TAF1: variants seen among roughly 807,000 people sequenced by gnomAD.
TAF1 encodes the protein TATA-box binding protein associated factor 1.
In TAF1, 2 loss-of-function variants were observed where a neutral mutation model predicts 138.5. That is an observed-to-expected ratio of 0.01 (90% CI 0.01 to 0.05). TAF1 has a LOEUF of 0.05. Among genes scored for constraint, TAF1 ranks in the 10% least tolerant of loss-of-function variants. The pLI, the probability that TAF1 is intolerant of heterozygous loss-of-function variation, is 1.00. For missense variants in TAF1, 709 were observed against 1,478.0 expected (o/e 0.48, Z 8.53); for synonymous variants, 437 against 503.2 (o/e 0.87, Z 1.76).
intron 13 of TAF1, among the ~76,000 whole-genome samples, chrX:71,474,132 C>T (rs1052270440): frequency 9.3e-6 from 1 of 107,849 alleles, no homozygotes; most frequent in Non-Finnish European, 1.9e-5. Flanking sequence ...GTGACAAGAG[C>T]AAAACTCTGA....
chrX:71,514,605 C>T (rs2039794137), intron 13 of TAF1, among the ~76,000 whole-genome samples: 1 of 110,642 alleles, frequency 9.0e-6, no homozygotes, highest in South Asian at 3.8e-4. Context: ...ACTTCAAGAT[C>T]TGGTGCTTTG....
chrX:71,485,697 TTTG>T (rs1488086461), intron 13 of TAF1, among the ~76,000 whole-genome samples: 5 of 111,996 alleles, frequency 4.5e-5, no homozygotes, highest in Admixed American at 9.6e-5. Flanking sequence ...GATTTGGTTG[TTTG>T]TTGTTGTTGT....
chrX:71,508,737 A>AGTGT (rs112821544), intron 13 of TAF1, among the ~76,000 whole-genome samples: 15 of 100,783 alleles, frequency 1.5e-4, no homozygotes, highest in Middle Eastern at 4.5e-3. Context: ...AGACAGAGTG[A>AGTGT]GTGTGTGTGT....
intron 28 of TAF1, 34 bp downstream of exon 28, chrX:71,408,185 A>G: frequency 2.5e-6 from 3 of 1,201,649 alleles, no homozygotes; most frequent in African/African-American, 3.5e-5. Context: ...TGCAAAGGTC[A>G]CTGTTCAGAT....
At chrX:71,404,371 A>G (rs752802482) in intron 25 of TAF1, among the ~76,000 whole-genome samples, 26 of 110,509 alleles carry the variant, frequency 2.4e-4, no homozygotes, top group Admixed American at 5.9e-4. Flanking sequence ...TTTCTTTTTG[A>G]GACGGAGTCT....
At chrX:71,456,652 T>TC in intron 34 of TAF1, among the ~76,000 whole-genome samples, 1 of 15,238 alleles carries the variant, frequency 6.6e-5, no homozygotes, top group Non-Finnish European at 1.1e-4. Flanking sequence ...GTATTTTCTT[T>TC]TTTTTTTTTT....
chrX:71,430,381 C>G (rs2036821948), intron 32 of TAF1, among the ~76,000 whole-genome samples: 1 of 84,673 alleles, frequency 1.2e-5, no homozygotes, highest in African/African-American at 4.6e-5. Context: ...GAGACTCCGT[C>G]TCACAAAAAA....
chrX:71,491,657 A>G (rs1004395660), intron 13 of TAF1: 2 of 101,284 alleles, frequency 2.0e-5, no homozygotes, highest in African/African-American at 7.5e-5. Flanking sequence ...CTTTTCTAAC[A>G]TTCTTTTTTT....
At chrX:71,452,230 G>A (rs1360682802) in intron 32 of TAF1, among the ~76,000 whole-genome samples, 14 of 110,812 alleles carry the variant, frequency 1.3e-4, no homozygotes, top group East Asian at 1.2e-3. Flanking sequence ...CAGACGGGGC[G>A]GCTGCCGGGC....
intron 22 of TAF1, among the ~76,000 whole-genome samples, chrX:71,394,746 C>G (rs1159056022): frequency 8.9e-6 from 1 of 112,136 alleles, no homozygotes; most frequent in Admixed American, 9.5e-5. Flanking sequence ...ATCCTCCTGC[C>G]TCAGCCTCCT....
intron 32 of TAF1, among the ~76,000 whole-genome samples, chrX:71,424,492 C>G: frequency 9.7e-6 from 1 of 103,273 alleles, no homozygotes; most frequent in East Asian, 3.0e-4. Context: ...AGCAATCCTC[C>G]CACCTCGGCT....
rs1262972845 is a variant in TAF1 at position 71,420,976 on chromosome X, C to T, written c.4385-333C>T. ...GACCGCCTGCAGCCCCAGCCGCCCG[C>T]TGCCGCCTGCTCACTCTTTAGGCAT... On this transcript the variant is annotated intron_variant, in intron 28 of 37. Transcript: ENST00000423759. Among the ~76,000 whole-genome samples the T allele has an allele frequency of 4.4e-5, 5 of 112,910 alleles. No individual in the cohort carries two copies. In the East Asian group the frequency reaches 8.3e-4, roughly 19 times the overall value.
In TAF1 at chrX:71,419,939, C is replaced by A. The variant is rs769985394; in HGVS notation, c.4385-1370C>A. The A allele has an allele frequency of 1.7e-3, 377 of 219,867 alleles. 1 individual carries two copies. The highest frequency in any genetic ancestry group is 2.4e-3 in the Non-Finnish European group (290 of 120,919). The allele number at this position is 219,867 out of a possible 1,213,427, so 18.1% of individuals were successfully genotyped here. ...AGCAGTTAGTTATGGGATTCTCCCCCCCTTCCACAGTATATCTTTTTAAAA... is the reference window on the plus strand; with the variant it reads ...AGCAGTTAGTTATGGGATTCTCCCCACCTTCCACAGTATATCTTTTTAAAA... On this transcript the variant is annotated intron_variant, in intron 28 of 37. Coordinates refer to ENST00000423759, the MANE Select transcript of TAF1 (RefSeq NM_004606.5).
intron 13 of TAF1, among the ~76,000 whole-genome samples, chrX:71,515,993 C>T (rs902341029): frequency 8.2e-5 from 9 of 110,273 alleles, no homozygotes; most frequent in African/African-American, 3.0e-4. Flanking sequence ...TCCATAGAAA[C>T]GGAAAGTAGA....
intron 32 of TAF1, among the ~76,000 whole-genome samples, chrX:71,441,366 A>T (rs1415220871): frequency 4.5e-5 from 5 of 111,308 alleles, no homozygotes; most frequent in Non-Finnish European, 7.5e-5. Flanking sequence ...AGCATAAGAA[A>T]TTTTTTTAAT....
At position 71,389,565 on chromosome X, in the gene TAF1, A is replaced by G. The variant is rs2034441231; in HGVS notation, c.2701-20A>G. On this transcript the variant is annotated intron_variant, in intron 17 of 37. Transcript: ENST00000423759. Reference sequence around the variant, plus strand: ...TGTTTTTTAACTGACTGATTTATGCATGGATCTGTCCTCTTCCAGGATGCT... The same window carrying G: ...TGTTTTTTAACTGACTGATTTATGCGTGGATCTGTCCTCTTCCAGGATGCT... 8.5e-6 allele frequency: 10 copies of G among 1,181,737 alleles called. No individual in the cohort carries two copies. The highest frequency in any genetic ancestry group is 2.3e-4 in the Middle Eastern group (1 of 4,296).
At chrX:71,441,715 C>A (rs1050848598) in intron 32 of TAF1, 7 of 276,426 alleles carry the variant, frequency 2.5e-5, no homozygotes, top group South Asian at 1.7e-4. Context: ...ATGTGCACAA[C>A]GTGCAGGTTT....
rs369047213 is a variant in TAF1 at position 71,458,401 on chromosome X, T to C, written c.5064+35T>C. ...TCTTTTTCTCTTTATAAGATTGTTATTGTGCCTGCAAGTGGGGCTAGGGGA... is the reference window on the plus strand; with the variant it reads ...TCTTTTTCTCTTTATAAGATTGTTACTGTGCCTGCAAGTGGGGCTAGGGGA... On this transcript the variant is annotated intron_variant, in intron 35 of 37. Transcript: ENST00000423759. 6.7e-6 allele frequency: 8 copies of C among 1,197,583 alleles called. No individual in the cohort carries two copies. In the Admixed American group the frequency reaches 6.7e-5, roughly 10 times the overall value.
intron 32 of TAF1, among the ~76,000 whole-genome samples, chrX:71,431,906 C>T (rs2036906900): frequency 1.0e-5 from 1 of 96,490 alleles, no homozygotes; most frequent in South Asian, 5.2e-4. Context: ...CAGAGTGAGA[C>T]TCCGTCTCAA....
Sources: gnomAD v4.1 joint callset for allele counts (sites outside exome capture counted in the v4.1 genomes callset) on GRCh38, gnomAD v4.1.1 for gene constraint, MANE v1.5 for transcripts, NCBI Gene and HGNC (gene_info 2026-07-23, HGNC 2026-07-21) for gene names.